The following NTPCR variants were observed in gnomAD, a reference collection of about 807,000 sequenced individuals.
NTPCR encodes cancer-related nucleoside-triphosphatase.
A neutral mutation model predicts 19.5 loss-of-function variants in NTPCR; 15 were observed. The ratio of observed to expected loss-of-function variants is 0.77; its 90% confidence interval spans 0.51 to 1.18. NTPCR has a LOEUF of 1.18. Ranked by LOEUF, NTPCR falls within the 50% of genes most tolerant of loss-of-function variation. NTPCR has a pLI of 0.00. For missense variants in NTPCR, 206 were observed against 240.4 expected, an observed-to-expected ratio of 0.86 and a Z score of 0.95; for synonymous variants, 90 against 95.8, an observed-to-expected ratio of 0.94 and a Z score of 0.36.
At chr1:232,953,903 A>G (rs752190050) in intron 1 of NTPCR, among the ~76,000 whole-genome samples, 4 of 152,212 alleles carry the variant, frequency 2.6e-5, no homozygotes, top group Non-Finnish European at 5.9e-5. Flanking sequence ...GCTATTATAT[A>G]CATGGTGCCA....
intron 4 of NTPCR, among the ~76,000 whole-genome samples, chr1:232,975,654 C>T (rs1363554221): frequency 6.6e-6 from 1 of 152,196 alleles, no homozygotes; most frequent in Non-Finnish European, 1.5e-5. Context: ...ACAGTCTTAT[C>T]TTCACTGTGC....
intron 4 of NTPCR, among the ~76,000 whole-genome samples, chr1:232,974,160 C>G (rs994317967): frequency 2.0e-5 from 3 of 152,204 alleles, no homozygotes; most frequent in Admixed American, 6.5e-5. Context: ...AAAGCAGCAC[C>G]TTACCTATAG....
At chr1:232,952,699 A>G (rs1310101002) in intron 1 of NTPCR, among the ~76,000 whole-genome samples, 4 of 151,062 alleles carry the variant, frequency 2.6e-5, no homozygotes, top group African/African-American at 9.7e-5. Context: ...CCTTTTACAC[A>G]TAACTTTTTT....
intron 4 of NTPCR, chr1:232,976,984 AG>A (rs1669142539): frequency 6.4e-6 from 1 of 155,586 alleles, no homozygotes; most frequent in African/African-American, 2.4e-5. Context: ...TCTTCCAAGA[AG>A]GGTGAGCAGG....
In NTPCR at chr1:232,955,553, T is replaced by TTTTA; in HGVS notation, c.35-3_35-2insTTAT. The TTTTA allele has an allele frequency of 6.5e-7, 1 of 1,534,868 alleles. No homozygotes were observed. On this transcript the variant is annotated splice_region_variant and splice_polypyrimidine_tract_variant and intron_variant, in intron 1 of 4. Transcript: ENST00000366628. ...TTCTTTTTTTTTTTTTTTTTTTATT[T>TTTTA]TAGGAGTTGGAAAAACAACATTGAT...
At chr1:232,958,819 G>T (rs978306921) in intron 3 of NTPCR, among the ~76,000 whole-genome samples, 8 of 152,264 alleles carry the variant, frequency 5.3e-5, no homozygotes, top group Middle Eastern at 3.4e-3. Context: ...TGAAGATTCT[G>T]GTTTTAGGAA....
intron 3 of NTPCR, chr1:232,965,331 C>G (rs1345079240): frequency 3.9e-5 from 6 of 152,228 alleles, no homozygotes; most frequent in Admixed American, 6.5e-5. Flanking sequence ...CAGGTGATCT[C>G]TGGTTTGACT....
intron 3 of NTPCR, among the ~76,000 whole-genome samples, chr1:232,959,096 T>G (rs1160719025): frequency 6.6e-6 from 1 of 152,202 alleles, no homozygotes; most frequent in Non-Finnish European, 1.5e-5. Context: ...TTGATATGAT[T>G]TGGCTCTGTG....
intron 3 of NTPCR, chr1:232,966,599 G>A (rs943994170): frequency 6.6e-6 from 1 of 152,192 alleles, no homozygotes; most frequent in Non-Finnish European, 1.5e-5. Flanking sequence ...GATATTTGTT[G>A]TTCTAATCTT....
At chr1:232,951,005 C>A (rs990740734) in intron 1 of NTPCR, 2 of 452,874 alleles carry the variant, frequency 4.4e-6, no homozygotes, top group Non-Finnish European at 7.8e-6. Flanking sequence ...GCAGAAACCG[C>A]AGGGGCCAGC....
At chr1:232,956,318 A>G (rs1402175089) in intron 2 of NTPCR, 29 bp from the exon 3 acceptor site, 7 of 1,553,228 alleles carry the variant, frequency 4.5e-6, no homozygotes, top group Non-Finnish European at 6.2e-6. Context: ...GGAGTTTTTC[A>G]ACAAAGAACA....
intron 3 of NTPCR, chr1:232,966,112 G>C (rs568668726): frequency 6.6e-6 from 1 of 152,152 alleles, no homozygotes; most frequent in African/African-American, 2.4e-5. Context: ...AAATATGACC[G>C]GAGCCCTGCA....
chr1:232,983,294 C>T lies in NTPCR; in HGVS notation c.*5063C>T, dbSNP rs1669331611. On this transcript the variant is annotated 3_prime_UTR_variant, in exon 5 of 5. Coordinates refer to ENST00000366628, the MANE Select transcript of NTPCR (RefSeq NM_032324.3). Reference sequence around the variant, plus strand: ...TATGGACTGCATTTTGGGACCTCTACCCCAGCAAGGATACAGGTTCCTGGG... The same window carrying T: ...TATGGACTGCATTTTGGGACCTCTATCCCAGCAAGGATACAGGTTCCTGGG... 6.6e-6 allele frequency: 1 copy of T among 152,150 alleles called. No individual in the cohort carries two copies. The highest frequency in any genetic ancestry group is 2.1e-4 in the South Asian group (1 of 4,828). 9.4% of individuals were successfully genotyped at this position (152,150 alleles called of 1,614,324 possible). A position where few individuals can be genotyped will look rare whatever the true frequency, so the allele number is the denominator to read the frequency against.
intron 1 of NTPCR, among the ~76,000 whole-genome samples, chr1:232,951,702 A>G (rs1352735196): frequency 6.6e-6 from 1 of 152,168 alleles, no homozygotes; most frequent in Non-Finnish European, 1.5e-5. Context: ...GTTTAGTTGT[A>G]AGTAGCAAAG....
chr1:232,961,733 T>G (rs1246042210), intron 3 of NTPCR, among the ~76,000 whole-genome samples: 1 of 152,222 alleles, frequency 6.6e-6, no homozygotes. Flanking sequence ...TTTTAAACAT[T>G]TATGTTTTCA....
intron 3 of NTPCR, among the ~76,000 whole-genome samples, chr1:232,957,241 A>G (rs993709755): frequency 9.2e-5 from 14 of 152,082 alleles, no homozygotes; most frequent in Non-Finnish European, 1.2e-4. Context: ...CTTCTTTTCT[A>G]ATTTTTGGAA....
chr1:232,967,938 T>C (rs1288903260), intron 3 of NTPCR: 10 of 152,206 alleles, frequency 6.6e-5, no homozygotes, highest in African/African-American at 2.4e-4. Flanking sequence ...TTTATTATCA[T>C]AGACAGGTGG....
Position 232,978,148 on chromosome 1 carries a change from C to T in NTPCR, c.505-15C>T, listed in dbSNP as rs776410893. The T allele has an allele frequency of 2.5e-6, 4 of 1,610,438 alleles. No homozygotes were observed. The highest frequency in any genetic ancestry group is 3.4e-6 in the Non-Finnish European group (4 of 1,176,886). On this transcript the variant is annotated splice_polypyrimidine_tract_variant and intron_variant, in intron 4 of 4. Coordinates refer to ENST00000366628, the MANE Select transcript of NTPCR (RefSeq NM_032324.3). ...AAAGGAGCTCTGAAGCCTGTTCTCT[C>T]ACTTCTTCCCACAGGTCACCAAGGA...
At chr1:232,953,529 C>T (rs775642946) in intron 1 of NTPCR, among the ~76,000 whole-genome samples, 18 of 152,008 alleles carry the variant, frequency 1.2e-4, no homozygotes, top group Non-Finnish European at 2.5e-4. Context: ...GAATAGTTAC[C>T]GTTGCTCCAT....
Sources: allele counts gnomAD v4.1 joint callset (sites outside exome capture counted in the v4.1 genomes callset), GRCh38; gene constraint gnomAD v4.1.1; transcripts MANE v1.5; gene names NCBI Gene and HGNC (gene_info 2026-07-23, HGNC 2026-07-21).